TIAM2: variants seen among roughly 807,000 people sequenced by gnomAD.
TIAM2 encodes the protein TIAM Rac1 associated GEF 2, also known as rho guanine nucleotide exchange factor TIAM2.
A neutral mutation model predicts 152.9 loss-of-function variants in TIAM2; 80 were observed. The observed-to-expected ratio is 0.52, with a 90% CI of 0.44 to 0.63. The LOEUF (loss-of-function observed/expected upper bound fraction) is 0.63, where lower values mean the gene tolerates loss of function less well. Ranked by LOEUF, TIAM2 falls within the 30% of genes least tolerant of loss-of-function variation. The pLI is 0.00. For missense variants in TIAM2, 1,965 were observed against 2,120.1 expected (o/e 0.93, Z 1.44); for synonymous variants, 804 against 838.0 (o/e 0.96, Z 0.70).
chr6:155,152,606 T>C (rs1780001727), intron 7 of TIAM2, among the ~76,000 whole-genome samples: 1 of 152,182 alleles, frequency 6.6e-6, no homozygotes, highest in Non-Finnish European at 1.5e-5. Context: ...CCACAGCCTG[T>C]CTATCCTGAG....
intron 1 of TIAM2, among the ~76,000 whole-genome samples, chr6:155,047,705 GCGA>G (rs1252674297): frequency 8.4e-5 from 2 of 23,910 alleles, no homozygotes; most frequent in Admixed American, 5.7e-4. Context: ...GAGAGAGAGA[GCGA>G]GAGAGAGAGA....
intron 2 of TIAM2, among the ~76,000 whole-genome samples, chr6:155,120,587 A>G (rs1260353324): frequency 2.6e-5 from 4 of 152,218 alleles, no homozygotes; most frequent in African/African-American, 7.2e-5. Context: ...GATCCCTGGT[A>G]GAGGTGAATG....
At position 155,028,361 on chromosome 6, in the gene TIAM2, CATATA is replaced by C. The variant is rs1456472715; in HGVS notation, c.-209+32875_-209+32879del. On this transcript the variant is annotated intron_variant, in intron 1 of 26. Transcript: ENST00000682666. Reference sequence around the variant, plus strand: ...TATATACTGTGTTACATATATACTACATATAATATATATACTGTGTTACATATATA... The same window carrying C: ...TATATACTGTGTTACATATATACTACATATATATACTGTGTTACATATATA... Among the ~76,000 whole-genome samples, 7 of 111,038 alleles carry C rather than the reference CATATA, an allele frequency of 6.3e-5. 1 individual carries two copies. The East Asian group carries it at 6.6e-4, about 11-fold the overall frequency. The allele number at this position is 111,038 out of a possible 152,430, so 72.8% of individuals were successfully genotyped here. A position where few individuals can be genotyped will look rare whatever the true frequency, so the allele number is the denominator to read the frequency against.
chr6:155,168,860 G>A, intron 9 of TIAM2: 3 of 1,535,466 alleles, frequency 2.0e-6, no homozygotes, highest in East Asian at 2.4e-5. Context: ...TGATTCAAGT[G>A]GCAGCCATGG....
At chr6:154,999,064 T>A (rs1229422989) in intron 1 of TIAM2, among the ~76,000 whole-genome samples, 2 of 152,126 alleles carry the variant, frequency 1.3e-5, no homozygotes, top group East Asian at 3.8e-4. Context: ...TGATAAGAAA[T>A]GATGCAAAGT....
chr6:155,202,369 G>A (rs987798447), intron 14 of TIAM2, among the ~76,000 whole-genome samples: 2 of 152,140 alleles, frequency 1.3e-5, no homozygotes, highest in Non-Finnish European at 2.9e-5. Context: ...GACAATCTGT[G>A]TTACTTAAAA....
intron 1 of TIAM2, among the ~76,000 whole-genome samples, chr6:155,014,592 C>G (rs1466593089): frequency 3.3e-5 from 5 of 152,124 alleles, no homozygotes; most frequent in African/African-American, 1.2e-4. Flanking sequence ...GCTTTTGACT[C>G]TGGTGGATGG....
chr6:155,240,783 A>C, intron 16 of TIAM2, 74 bp downstream of exon 16: 1 of 1,487,212 alleles, frequency 6.7e-7, no homozygotes, highest in Non-Finnish European at 9.1e-7. Flanking sequence ...AGAGGTCCCC[A>C]GATCACCTCT....
At chr6:155,029,348 A>G (rs1249379901) in intron 1 of TIAM2, among the ~76,000 whole-genome samples, 1 of 97,598 alleles carries the variant, frequency 1.0e-5, no homozygotes, top group African/African-American at 4.2e-5. Context: ...TATATAATAT[A>G]TATACGTTAT....
intron 15 of TIAM2, among the ~76,000 whole-genome samples, chr6:155,233,105 T>G (rs1026558160): frequency 3.3e-5 from 5 of 152,196 alleles, no homozygotes; most frequent in Non-Finnish European, 7.3e-5. Context: ...TCTGATGCAG[T>G]GGACTCCTGC....
intron 1 of TIAM2, among the ~76,000 whole-genome samples, chr6:155,023,431 C>T (rs898032148): frequency 6.6e-6 from 1 of 152,010 alleles, no homozygotes; most frequent in South Asian, 2.1e-4. Context: ...CATATTGAAC[C>T]CTGGTCCTTT....
intron 4 of TIAM2, among the ~76,000 whole-genome samples, chr6:155,131,086 G>T (rs940874577): frequency 4.6e-5 from 7 of 152,248 alleles, no homozygotes; most frequent in Admixed American, 3.9e-4. Context: ...CATAGCCGGT[G>T]TGGCAGCTCA....
At chr6:155,198,222 C>G (rs904441088) in intron 14 of TIAM2, among the ~76,000 whole-genome samples, 4 of 152,164 alleles carry the variant, frequency 2.6e-5, no homozygotes, top group Admixed American at 2.6e-4. Context: ...GTGTGCCTGT[C>G]CTAATTAACC....
chr6:155,187,979 C>T lies in TIAM2; in HGVS notation c.3064+4479C>T, dbSNP rs7775094. ...AGAGCAGCCCCAGGGCTGGCGTGAG[C>T]ACTCCCGCTGCCCCTTGGCCATTAG... On this transcript the variant is annotated intron_variant, in intron 14 of 26. Coordinates refer to ENST00000682666, the MANE Select transcript of TIAM2 (RefSeq NM_012454.4). 5.9e-3 allele frequency among the ~76,000 whole-genome samples: 900 copies of T among 152,318 alleles called. 9 individuals are homozygous for T. The highest frequency in any genetic ancestry group is 0.021 in the African/African-American group (858 of 41,558).
chr6:155,001,007 C>T (rs75216466), intron 1 of TIAM2, among the ~76,000 whole-genome samples: 3,506 of 152,140 alleles, frequency 0.023, 147 homozygotes, highest in African/African-American at 0.08. Context: ...AAAAAAGAAA[C>T]CAGTTTCTTT....
chr6:155,234,280 A>G (rs1782630212), intron 15 of TIAM2, among the ~76,000 whole-genome samples: 1 of 152,072 alleles, frequency 6.6e-6, no homozygotes. Context: ...GCCCTAAGTT[A>G]TGATCATCTG....
intron 1 of TIAM2, among the ~76,000 whole-genome samples, chr6:155,045,052 T>C (rs1433763459): frequency 8.4e-6 from 1 of 119,148 alleles, no homozygotes; most frequent in Non-Finnish European, 1.9e-5. Context: ...TTCTTTTTCT[T>C]TTTTTTTTTT....
At chr6:155,047,802 C>T (rs1777232998) in intron 1 of TIAM2, among the ~76,000 whole-genome samples, 1 of 151,856 alleles carries the variant, frequency 6.6e-6, no homozygotes, top group African/African-American at 2.4e-5. Flanking sequence ...CTTTTTCTCT[C>T]TTCACTTCGG....
intron 10 of TIAM2, among the ~76,000 whole-genome samples, chr6:155,177,828 C>G (rs1780791636): frequency 6.6e-6 from 1 of 152,122 alleles, no homozygotes; most frequent in South Asian, 2.1e-4. Context: ...ATGTTCTATA[C>G]CAATGATATC....
Sources: allele counts gnomAD v4.1 joint callset (sites outside exome capture counted in the v4.1 genomes callset), GRCh38; gene constraint gnomAD v4.1.1; transcripts MANE v1.5; gene names NCBI Gene and HGNC (gene_info 2026-07-23, HGNC 2026-07-21).